DLG5: variants seen among roughly 807,000 people sequenced by gnomAD.
DLG5 encodes the protein discs large MAGUK scaffold protein 5.
DLG5 carries 48 observed loss-of-function variants against 189.8 expected under a neutral mutation model. The observed-to-expected ratio is 0.25, with a 90% CI of 0.20 to 0.32. DLG5 has a LOEUF of 0.32. Among genes scored for constraint, DLG5 ranks in the 10% least tolerant of loss-of-function variants. The pLI is 1.00. For synonymous variants in DLG5, 1,016 were observed against 1,054.1 expected, an observed-to-expected ratio of 0.96 and a Z score of 0.70; for missense variants, 2,160 against 2,544.7, an observed-to-expected ratio of 0.85 and a Z score of 3.25.
At position 77,792,478 on chromosome 10, in the gene DLG5, G is replaced by T; in HGVS notation, c.5722C>A (p.Gln1908Lys). ...TQILAMVNQEQNKVLWIPACP... is the reference protein window; with the variant it reads ...TQILAMVNQEKNKVLWIPACP... ...GCTGGAATCCACAGGACTTTATTTT[G>T]TTCTTGATTGACCATTGCCAAGATC... Residue 1908 changes from glutamine (Q) to lysine (K), a missense_variant, in exon 32 of 32, where the codon CAA (glutamine) becomes AAA (lysine). By Grantham distance (53) the Gln-to-Lys change is moderately conservative. This residue lies in a region of DLG5 where 574 missense variants were observed against 644.2 expected (regional missense o/e 0.89). Transcript: ENST00000372391. 1 of 1,614,204 alleles carries T rather than the reference G, an allele frequency of 6.2e-7. No individual in the cohort carries two copies. Among genetic ancestry groups the T allele is most frequent in the Non-Finnish European group, 8.5e-7 (1 of 1,180,048 alleles).
intron 1 of DLG5, among the ~76,000 whole-genome samples, chr10:77,909,636 A>G (rs764420158): frequency 8.5e-5 from 13 of 152,140 alleles, no homozygotes; most frequent in Non-Finnish European, 1.6e-4. Context: ...GGGAAATGCA[A>G]CAAGATACAG....
chr10:77,869,397 T>C (rs1231518197), intron 1 of DLG5, 200 bp from the exon 2 acceptor site: 6 of 558,372 alleles, frequency 1.1e-5, no homozygotes, highest in Middle Eastern at 6.3e-4. Flanking sequence ...CACCTCACTT[T>C]ATCGGCCCCT....
Position 77,821,677 on chromosome 10 carries a change from G to C in DLG5, c.2807C>G (p.Ala936Gly). 1 of 1,612,812 alleles carries C rather than the reference G, an allele frequency of 6.2e-7. No individual in the cohort carries two copies. Among genetic ancestry groups the C allele is most frequent in the Non-Finnish European group, 8.5e-7 (1 of 1,179,832 alleles). The part of the protein sequence containing the change: ...CGVGEASLDK[A>G]DSEGSNSGGT... ...GCCGCTGTTGGAGCCTTCAGAGTCT[G>C]CCTTGTCCAGGGAGGCCTCCCCAAC... is the stretch of plus-strand genomic sequence containing the variant. The change falls in exon 15 of 32, where the codon GCA becomes GGA. Residue 936 changes from alanine (A) to glycine (G), a missense_variant. Around this residue, in one of 5 missense-constraint regions of DLG5, gnomAD observed 754 missense variants for 746.5 expected, o/e 1.01. Coordinates refer to ENST00000372391, the MANE Select transcript of DLG5 (RefSeq NM_004747.4).
chr10:77,939,288 C>T, the DLG5 span, among the ~76,000 whole-genome samples: 1 of 152,154 alleles, frequency 6.6e-6, no homozygotes, highest in South Asian at 2.1e-4. Context: ...CCTGCCTGCC[C>T]TGCCGGTGGG....
At position 77,833,916 on chromosome 10, in the gene DLG5, G is replaced by C; in HGVS notation, c.1746C>G (p.Leu582=). Residue 582 remains leucine (L), a splice_region_variant and synonymous_variant, in exon 9 of 32, where the codon CTC becomes CTG. Transcript: ENST00000372391. ...KNDVSRELKE[L]KEQMESQLEK... The stretch of plus-strand genomic sequence containing the variant: ...AGCGGGTGCCCACCCGAGCCTACTT[G>C]AGCTCCTTCAGCTCGCGGCTGACAT... 6.2e-7 allele frequency: 1 copy of C among 1,606,466 alleles called. No individual in the cohort carries two copies. Among genetic ancestry groups the C allele is most frequent in the Non-Finnish European group, 8.5e-7 (1 of 1,179,880 alleles).
chr10:77,897,158 C>T (rs1845784910), intron 1 of DLG5, among the ~76,000 whole-genome samples: 1 of 151,886 alleles, frequency 6.6e-6, no homozygotes, highest in Admixed American at 6.6e-5. Flanking sequence ...GAGTTCAAGA[C>T]CAGTCTGGCC....
chr10:77,870,951 A>G (rs1294148437), intron 1 of DLG5, among the ~76,000 whole-genome samples: 1 of 152,154 alleles, frequency 6.6e-6, no homozygotes, highest in Non-Finnish European at 1.5e-5. Context: ...CGTGTCCATC[A>G]GAAAAAGAGA....
chr10:77,820,157 C>A, intron 15 of DLG5, 139 bp from the exon 16 acceptor site: 1 of 1,180,508 alleles, frequency 8.5e-7, no homozygotes, highest in East Asian at 2.9e-5. Context: ...ACCACCCTGG[C>A]CAACATGGCG....
At chr10:77,912,336 C>T (rs946860578) in intron 1 of DLG5, 2 of 152,074 alleles carry the variant, frequency 1.3e-5, no homozygotes, top group Non-Finnish European at 2.9e-5. Flanking sequence ...CATGACCCCA[C>T]CACTGATCAG....
In DLG5 at chr10:77,809,674, T is replaced by G; in HGVS notation, c.4520A>C (p.Lys1507Thr). The G allele has an allele frequency of 6.2e-7, 1 of 1,614,184 alleles. No homozygotes were observed. Reference sequence around the variant, plus strand: ...GTGCACCCCAAGCTCCAGCTGGGACTTTTTGATGAAGACAACGCGTGGCTC... The same window carrying G: ...GTGCACCCCAAGCTCCAGCTGGGACGTTTTGATGAAGACAACGCGTGGCTC... ...TLEPRVVFIK[K>T]SQLELGVHLC... The change falls in exon 24 of 32, where the codon AAG becomes ACG. Residue 1507 changes from lysine (K) to threonine (T), a missense_variant. Physicochemically the swap from Lys to Thr is moderately conservative, Grantham distance 78 (BLOSUM62 -1). Transcript: ENST00000372391.
intron 6 of DLG5, 88 bp downstream of exon 6, chr10:77,843,358 CA>C: frequency 6.8e-7 from 1 of 1,476,486 alleles, no homozygotes; most frequent in Non-Finnish European, 9.1e-7. Flanking sequence ...TGAAAAAGCA[CA>C]ATAACTCATG....
At chr10:77,807,702 C>G (rs1841547537) in intron 25 of DLG5, 94 bp downstream of exon 25, 1 of 1,440,904 alleles carries the variant, frequency 6.9e-7, no homozygotes, top group Middle Eastern at 1.8e-4. Context: ...CCTTGGGGGG[C>G]AAGAAACAGA....
intron 25 of DLG5, 87 bp downstream of exon 25, chr10:77,807,709 C>A (rs1841547679): frequency 2.0e-6 from 3 of 1,481,686 alleles, no homozygotes; most frequent in Non-Finnish European, 2.7e-6. Flanking sequence ...GGGCAAGAAA[C>A]AGAGAGCCAT....
At chr10:77,831,999 G>A (rs913510855) in intron 9 of DLG5, among the ~76,000 whole-genome samples, 4 of 152,158 alleles carry the variant, frequency 2.6e-5, no homozygotes, top group Non-Finnish European at 5.9e-5. Context: ...CTTGAGGTCA[G>A]GGGTTCAAGA....
Position 77,819,978 on chromosome 10 carries a change from T to A in DLG5, c.3443A>T (p.Glu1148Val). The A allele has an allele frequency of 6.2e-7, 1 of 1,613,294 alleles. No homozygotes were observed. The highest frequency in any genetic ancestry group is 8.5e-7 in the Non-Finnish European group (1 of 1,179,780). ...CVPASGELSP[E>V]LQEWAPYSPG... ...CGAGTAAGGTGCCCACTCCTGGAGC[T>A]CCGGGGAGAGTTCTCCACTGGCCGG... Residue 1148 changes from glutamate (E) to valine (V), a missense_variant, in exon 16 of 32, where the codon GAG becomes GTG. Glu to Val is a moderately radical substitution (Grantham distance 121). Transcript: ENST00000372391.
intron 17 of DLG5, 49 bp downstream of exon 17, chr10:77,819,272 C>G (rs1253396367): frequency 6.2e-7 from 1 of 1,612,530 alleles, no homozygotes; most frequent in Admixed American, 1.7e-5. Flanking sequence ...CATGTCCAGG[C>G]AGGCTTGGGC....
intron 9 of DLG5, among the ~76,000 whole-genome samples, chr10:77,831,794 A>G (rs1336400814): frequency 6.6e-6 from 1 of 152,286 alleles, no homozygotes; most frequent in African/African-American, 2.4e-5. Context: ...CGCCAACTAT[A>G]TCACAAATTG....
upstream of DLG5, chr10:77,927,724 T>C (rs1846741708): frequency 6.6e-6 from 1 of 152,234 alleles, no homozygotes; most frequent in Admixed American, 6.5e-5. Context: ...TTGCTTCCTT[T>C]GATGACTTGG....
Position 77,871,598 on chromosome 10 carries a change from A to T in DLG5, c.305-2401T>A, listed in dbSNP as rs1029657149. On this transcript the variant is annotated intron_variant, in intron 1 of 31. Transcript: ENST00000372391. ...TGCACTGTCGCCTGGGCTGGAGTGC[A>T]ATGGCGCGATCTCGGCTCACTGCAA... 6.3e-5 allele frequency among the ~76,000 whole-genome samples: 8 copies of T among 127,056 alleles called. 1 individual carries two copies. In the East Asian group the frequency reaches 1.4e-3, roughly 23 times the overall value. The allele number at this position is 127,056 out of a possible 152,430, so 83.4% of individuals were successfully genotyped here. A position where few individuals can be genotyped will look rare whatever the true frequency, so the allele number is the denominator to read the frequency against.
Sources: gnomAD v4.1 joint callset for allele counts (sites outside exome capture counted in the v4.1 genomes callset) on GRCh38, gnomAD v4.1.1 for gene constraint, gnomAD v4.1.1 regional missense constraint, MANE v1.5 for transcripts, NCBI Gene and HGNC (gene_info 2026-07-23, HGNC 2026-07-21) for gene names.